Variants in FBRS observed in about 807,000 individuals in gnomAD.
The protein encoded by FBRS is probable fibrosin-1.
FBRS carries 15 observed loss-of-function variants against 86.1 expected under a neutral mutation model. The observed-to-expected ratio is 0.17, with a 90% CI of 0.12 to 0.27. FBRS has a LOEUF of 0.27. Ranked by LOEUF, FBRS falls within the 10% of genes least tolerant of loss-of-function variation. FBRS has a pLI of 1.00. For synonymous variants in FBRS, 666 were observed against 575.8 expected (o/e 1.16, Z -2.24); for missense variants, 1,367 against 1,301.6 (o/e 1.05, Z -0.77).
In FBRS at chr16:30,669,190, G is replaced by A. The variant is rs1169322176; in HGVS notation, c.2488G>A (p.Glu830Lys). 1.9e-6 allele frequency: 3 copies of A among 1,549,924 alleles called. No homozygotes were observed. Among genetic ancestry groups the A allele is most frequent in the South Asian group, 1.2e-5 (1 of 84,166 alleles). The part of the protein sequence containing the change: ...SVRVKEERKE[E>K]AAAAAAAAAA... ...GCGGGTAAAGGAAGAGCGGAAGGAG[G>A]AGGCTGCCGCCGCCGCTGCCGCTGC... is the stretch of plus-strand genomic sequence containing the variant. Residue 830 changes from glutamate (E) to lysine (K), a missense_variant, in exon 18 of 18, where the codon GAG becomes AAG. Physicochemically the swap from Glu to Lys is moderately conservative, Grantham distance 56. This residue lies in a region of FBRS where 659 missense variants were observed against 678.8 expected (regional missense o/e 0.97). Coordinates refer to ENST00000356166, the MANE Select transcript of FBRS (RefSeq NM_001105079.3). The surrounding 1 kb of genome is among the most constrained non-coding windows in gnomAD (Gnocchi z 5.9).
rs1162035563 is a variant in FBRS, at chr16:30,668,972, A to G, written c.2359A>G (p.Lys787Glu). 17 of 1,577,274 alleles carry G rather than the reference A, an allele frequency of 1.1e-5. No individual in the cohort carries two copies. Among genetic ancestry groups the G allele is most frequent in the Non-Finnish European group, 1.3e-5 (15 of 1,163,920 alleles). Residue 787 changes from lysine to glutamate, a missense_variant, in exon 17 of 18, where the codon AAG becomes GAG. By Grantham distance (56) the Lys-to-Glu change is moderately conservative (BLOSUM62 1). Around this residue, in one of 3 missense-constraint regions of FBRS, gnomAD observed 659 missense variants for 678.8 expected, o/e 0.97. Coordinates refer to ENST00000356166, the MANE Select transcript of FBRS (RefSeq NM_001105079.3). Reference sequence around the variant, plus strand: ...GGAGCCCTCCATCACCAAGGAGGAGAAGGACAGGTGTGCCTCCCACCCACC... The same window carrying G: ...GGAGCCCTCCATCACCAAGGAGGAGGAGGACAGGTGTGCCTCCCACCCACC... ...RREPSITKEE[K>E]DRDLPFSRPQ...
chr16:30,662,761 T>A lies in FBRS; in HGVS notation c.957T>A (p.Ser319Arg). ...SPPAPLPATP[S>R]LPPPPQPQLQ... Reference sequence around the variant, plus strand: ...CTGCACCCCTGCCGGCCACTCCCAGTCTGCCACCCCCACCCCAGCCCCAGC... The same window carrying A: ...CTGCACCCCTGCCGGCCACTCCCAGACTGCCACCCCCACCCCAGCCCCAGC... The change falls in exon 6 of 18, where the codon AGT (serine) becomes AGA (arginine). Residue 319 changes from serine (S) to arginine (R), a missense_variant. This residue lies in a region of FBRS where 702 missense variants were observed against 598.7 expected (regional missense o/e 1.17). Coordinates refer to ENST00000356166, the MANE Select transcript of FBRS (RefSeq NM_001105079.3). 1 of 1,524,418 alleles carries A rather than the reference T, an allele frequency of 6.6e-7. No homozygotes were observed. Among genetic ancestry groups the A allele is most frequent in the East Asian group, 2.5e-5 (1 of 40,492 alleles). The allele number at this position is 1,524,418 out of a possible 1,614,324, so 94.4% of individuals were successfully genotyped here. A position where few individuals can be genotyped will look rare whatever the true frequency, so the allele number is the denominator to read the frequency against.
chr16:30,668,031 G>C, intron 15 of FBRS: 1 of 214,118 alleles, frequency 4.7e-6, no homozygotes, highest in South Asian at 1.6e-4. Context: ...GTTCCTGGCT[G>C]GGGACGTGGT....
rs1217734774 is a variant in FBRS at position 30,669,168 on chromosome 16, G to A, written c.2466G>A (p.Arg822=). ...CTCGGCCAACCAAGGAATCTGTGCG[G>A]GTAAAGGAAGAGCGGAAGGAGGAGG... The part of the protein sequence containing the change: ...EGPRPTKESV[R]VKEERKEEAA... The change falls in exon 18 of 18, where the codon CGG becomes CGA. Residue 822 remains arginine, a synonymous_variant. Coordinates refer to ENST00000356166, the MANE Select transcript of FBRS (RefSeq NM_001105079.3). The surrounding 1 kb of genome is among the most constrained non-coding windows in gnomAD (Gnocchi z 5.9). The A allele has an allele frequency of 7.1e-6, 11 of 1,555,784 alleles. No homozygotes were observed. The highest frequency in any genetic ancestry group is 2.7e-5 in the African/African-American group (2 of 73,190).
rs2052442485 is a variant in FBRS at position 30,660,315 on chromosome 16, C to T, written c.512C>T (p.Ser171Phe). 7.7e-7 allele frequency: 1 copy of T among 1,301,614 alleles called. No homozygotes were observed. The highest frequency in any genetic ancestry group is 9.8e-7 in the Non-Finnish European group (1 of 1,016,008). The allele number at this position is 1,301,614 out of a possible 1,614,324, so 80.6% of individuals were successfully genotyped here. The change falls in exon 2 of 18, where the codon TCT (serine) becomes TTT (phenylalanine). Residue 171 changes from serine (S) to phenylalanine (F), a missense_variant. By Grantham distance (155) the Ser-to-Phe change is radical (BLOSUM62 -2). Transcript: ENST00000356166. ...CGACTGGAACATCGGCTGAAGCATT[C>T]TGGGAAGCGGAAAAGGGGGGGCTCC... is the stretch of plus-strand genomic sequence containing the variant. ...PERLEHRLKH[S>F]GKRKRGGSSG...
At position 30,669,027 on chromosome 16, in the gene FBRS, G is replaced by A; in HGVS notation, c.2367-42G>A. ...CCCTGCCCCACCCTCAGCCCCTGCT[G>A]CCCCTGGAGAACTTCATTCTCTCCC... On this transcript the variant is annotated intron_variant, in intron 17 of 17. Transcript: ENST00000356166. The surrounding 1 kb of genome is among the most constrained non-coding windows in gnomAD (Gnocchi z 5.9). The A allele has an allele frequency of 1.3e-6, 2 of 1,514,086 alleles. No homozygotes were observed. The allele number at this position is 1,514,086 out of a possible 1,614,324, so 93.8% of individuals were successfully genotyped here.
At chr16:30,668,742 C>T in intron 16 of FBRS, 30 bp from the exon 17 acceptor site, 3 of 1,589,818 alleles carry the variant, frequency 1.9e-6, no homozygotes, top group Non-Finnish European at 2.6e-6. Flanking sequence ...CTTCTGGCCC[C>T]TGTCACTCTC....
intron 16 of FBRS, 46 bp from the exon 17 acceptor site, chr16:30,668,726 C>T (rs1227857123): frequency 6.3e-7 from 1 of 1,584,972 alleles, no homozygotes. Context: ...TGAACAGGGC[C>T]TCCCACTTCT....
At chr16:30,666,451 G>A (rs560664414) in intron 11 of FBRS, 61 bp from the exon 12 acceptor site, 110 of 1,609,024 alleles carry the variant, frequency 6.8e-5, no homozygotes, top group Middle Eastern at 5.0e-4. Context: ...GTGGAGATGC[G>A]AGGCGCCTGG....
In FBRS at chr16:30,668,987, T is replaced by TGCCCCCCCCCCCCCCCCCCCCCCCCC; in HGVS notation, c.2366+8_2366+9insGCCCCCCCCCCCCCCCCCCCCCCCCC. On this transcript the variant is annotated intron_variant, in intron 17 of 17. Transcript: ENST00000356166. ...CAAGGAGGAGAAGGACAGGTGTGCCTCCCACCCACCCTGCCCCTGCCCCAC... is the reference window on the plus strand; with the variant it reads ...CAAGGAGGAGAAGGACAGGTGTGCCTGCCCCCCCCCCCCCCCCCCCCCCCCCCCCACCCACCCTGCCCCTGCCCCAC... The TGCCCCCCCCCCCCCCCCCCCCCCCCC allele has an allele frequency of 1.4e-6, 2 of 1,481,114 alleles. No homozygotes were observed. Among genetic ancestry groups the TGCCCCCCCCCCCCCCCCCCCCCCCCC allele is most frequent in the Non-Finnish European group, 1.8e-6 (2 of 1,088,960 alleles). 91.7% of individuals were successfully genotyped at this position (1,481,114 alleles called of 1,614,324 possible). A position where few individuals can be genotyped will look rare whatever the true frequency, so the allele number is the denominator to read the frequency against.
Position 30,668,917 on chromosome 16 carries a change from C to T in FBRS, c.2304C>T (p.Gly768=). 1 of 1,591,022 alleles carries T rather than the reference C, an allele frequency of 6.3e-7. No homozygotes were observed. Among genetic ancestry groups the T allele is most frequent in the Non-Finnish European group, 8.5e-7 (1 of 1,171,578 alleles). ...CCCCTGAGGCCGCCCGGACTCCAGG[C>T]TCAGACAAGGAGCGGCCTGTGGAGC... The part of the protein sequence containing the change: ...VRPPEAARTP[G]SDKERPVERR... Residue 768 remains glycine (G), a synonymous_variant, in exon 17 of 18, where the codon GGC becomes GGT. Transcript: ENST00000356166.
Position 30,670,744 on chromosome 16 carries a change from C to T in FBRS, c.*1099C>T, listed in dbSNP as rs967868074. ...ACAAAACCCTAACGTTGACTTTTTT[C>T]CCTGGTGGGGCTTCTTCTGTAACAT... On this transcript the variant is annotated 3_prime_UTR_variant, in exon 18 of 18. Coordinates refer to ENST00000356166, the MANE Select transcript of FBRS (RefSeq NM_001105079.3). 6.4e-6 allele frequency: 1 copy of T among 155,312 alleles called. No homozygotes were observed. The highest frequency in any genetic ancestry group is 2.4e-5 in the African/African-American group (1 of 41,456). The allele number at this position is 155,312 out of a possible 1,614,324, so 9.6% of individuals were successfully genotyped here.
At position 30,664,761 on chromosome 16, in the gene FBRS, C is replaced by T; in HGVS notation, c.1404C>T (p.Ala468=). The change falls in exon 8 of 18, where the codon GCC becomes GCT. Residue 468 remains alanine, a synonymous_variant. Transcript: ENST00000356166. ...ACCTGAACTCTCGCTACCTGAATGC[C>T]CAGGGTGGCCCTGAGGTGGTGGGGG... ...GQDLNSRYLN[A]QGGPEVVGAG... 6.4e-7 allele frequency: 1 copy of T among 1,551,578 alleles called. No individual in the cohort carries two copies. Among genetic ancestry groups the T allele is most frequent in the Non-Finnish European group, 8.7e-7 (1 of 1,146,916 alleles).
intron 1 of FBRS, 47 bp from the exon 2 acceptor site, chr16:30,660,216 G>A (rs962319994): frequency 1.5e-6 from 2 of 1,335,466 alleles, no homozygotes; most frequent in African/African-American, 3.1e-5. Flanking sequence ...GAGGGGTTGG[G>A]AGCTTGCCCT....
intron 15 of FBRS, 69 bp from the exon 16 acceptor site, chr16:30,668,491 C>G: frequency 7.0e-7 from 1 of 1,436,640 alleles, no homozygotes; most frequent in Non-Finnish European, 9.7e-7. Flanking sequence ...CTGCCTCTGC[C>G]CAGCCAGGCC....
At position 30,670,003 on chromosome 16, in the gene FBRS, C is replaced by G; in HGVS notation, c.*358C>G. On this transcript the variant is annotated 3_prime_UTR_variant, in exon 18 of 18. Transcript: ENST00000356166. ...CTCACTAAGCCAGAGGCCAAAGTGC[C>G]CCCTCCCGTTCACCTACCACCCAAG... The G allele has an allele frequency of 1.9e-6, 1 of 514,280 alleles. No individual in the cohort carries two copies. The highest frequency in any genetic ancestry group is 4.5e-5 in the East Asian group (1 of 22,020). The allele number at this position is 514,280 out of a possible 1,614,324, so 31.9% of individuals were successfully genotyped here.
In FBRS at chr16:30,665,376, C is replaced by G. The variant is rs1444541976; in HGVS notation, c.1679C>G (p.Ser560Cys). 6 of 1,570,898 alleles carry G rather than the reference C, an allele frequency of 3.8e-6. No homozygotes were observed. The highest frequency in any genetic ancestry group is 1.9e-5 in the Admixed American group (1 of 53,644). Residue 560 changes from serine (S) to cysteine (C), a missense_variant, in exon 10 of 18, where the codon TCC (serine) becomes TGC (cysteine). Ser to Cys is a moderately radical substitution (Grantham distance 112). Transcript: ENST00000356166. The surrounding 1 kb of genome is among the most constrained non-coding windows in gnomAD (Gnocchi z 4.1). ...PGLPPAVSFG[S>C]LQGAFQPKST... ...CTCCCGCCGGCCGTCTCCTTTGGCT[C>G]CCTGCAGGGGGCCTTCCAGCCCAAG...
Position 30,659,943 on chromosome 16 carries a change from C to T in FBRS, c.425C>T (p.Ala142Val), listed in dbSNP as rs2052436661. The T allele has an allele frequency of 6.4e-7, 1 of 1,550,964 alleles. No individual in the cohort carries two copies. Among genetic ancestry groups the T allele is most frequent in the Non-Finnish European group, 8.7e-7 (1 of 1,147,424 alleles). Residue 142 changes from alanine (A) to valine (V), a missense_variant, in exon 1 of 18, where the codon GCC (alanine) becomes GTC (valine). Ala to Val is a moderately conservative substitution (Grantham distance 64). Around this residue, in one of 3 missense-constraint regions of FBRS, gnomAD observed 702 missense variants for 598.7 expected, o/e 1.17. Coordinates refer to ENST00000356166, the MANE Select transcript of FBRS (RefSeq NM_001105079.3). ...EEEEDLIDGF[A>V]IASFATLEAL... ...GAGGAGGACTTGATCGATGGCTTCG[C>T]CATCGCCAGCTTCGCCACCCTCGAG...
chr16:30,664,196 T>C lies in FBRS; in HGVS notation c.1056-19T>C. 5 of 1,267,224 alleles carry C rather than the reference T, an allele frequency of 3.9e-6. No homozygotes were observed. Among genetic ancestry groups the C allele is most frequent in the South Asian group, 2.7e-5 (1 of 36,456 alleles). The allele number at this position is 1,267,224 out of a possible 1,614,324, so 78.5% of individuals were successfully genotyped here. On this transcript the variant is annotated intron_variant, in intron 6 of 17. Transcript: ENST00000356166. ...GGCACCTCCCAACCCCTCACTCATC[T>C]CCCCACTTCTCTCCCCAGCTCTTCA...
Sources: gnomAD v4.1 joint callset for allele counts on GRCh38, gnomAD v4.1.1 for gene constraint, gnomAD v4.1.1 regional missense constraint, Gnocchi (gnomAD v3.1) non-coding constraint, MANE v1.5 for transcripts, NCBI Gene and HGNC (gene_info 2026-07-23, HGNC 2026-07-21) for gene names.